The following IFT52 variants were observed in gnomAD, a reference collection of about 807,000 sequenced individuals.
The protein encoded by IFT52 is intraflagellar transport 52, also known as intraflagellar transport protein 52 homolog.
IFT52 carries 44 observed loss-of-function variants against 54.4 expected under a neutral mutation model. That is an observed-to-expected ratio of 0.81 (90% confidence interval 0.63 to 1.04). IFT52 has a LOEUF of 1.04. Among genes scored for constraint, IFT52 ranks in the 50% least tolerant of loss-of-function variants. The pLI, the probability that IFT52 is intolerant of heterozygous loss-of-function variation, is 0.00. For synonymous variants in IFT52, 181 were observed against 185.3 expected (o/e 0.98, Z 0.19); for missense variants, 452 against 523.6 (o/e 0.86, Z 1.33).
intron 10 of IFT52, among the ~76,000 whole-genome samples, chr20:43,634,640 G>T (rs372413223): frequency 2.8e-5 from 4 of 143,790 alleles, no homozygotes; most frequent in African/African-American, 7.7e-5. Flanking sequence ...TTTATGAGGT[G>T]TTTTTTTTTT....
At chr20:43,611,534 C>T (rs1983452873) in intron 6 of IFT52, among the ~76,000 whole-genome samples, 1 of 141,862 alleles carries the variant, frequency 7.0e-6, no homozygotes, top group Admixed American at 7.7e-5. Flanking sequence ...ACCTCCACCT[C>T]CTGGGTTCAA....
intron 10 of IFT52, among the ~76,000 whole-genome samples, chr20:43,626,548 A>G (rs948516078): frequency 6.6e-6 from 1 of 151,916 alleles, no homozygotes; most frequent in African/African-American, 2.4e-5. Flanking sequence ...ACCTGGACCT[A>G]TTTTCAAATC....
At chr20:43,640,193 A>G (rs1460133848) in intron 12 of IFT52, among the ~76,000 whole-genome samples, 1 of 152,162 alleles carries the variant, frequency 6.6e-6, no homozygotes, top group Non-Finnish European at 1.5e-5. Context: ...GCAGTGGCTC[A>G]TGCCTGTAAT....
At chr20:43,618,041 A>G (rs889067864) in intron 7 of IFT52, among the ~76,000 whole-genome samples, 2 of 150,740 alleles carry the variant, frequency 1.3e-5, no homozygotes, top group African/African-American at 4.9e-5. Context: ...GAGCCACTGC[A>G]CTCAGCCTGC....
chr20:43,624,201 G>A, intron 10 of IFT52, 156 bp downstream of exon 10: 1 of 809,644 alleles, frequency 1.2e-6, no homozygotes, highest in Admixed American at 2.4e-5. Flanking sequence ...ACTGGGCTGG[G>A]CATGAGGGGT....
chr20:43,594,920 A>T (rs1477058540), intron 2 of IFT52, 103 bp downstream of exon 2: 1 of 724,692 alleles, frequency 1.4e-6, no homozygotes, highest in Non-Finnish European at 2.4e-6. Context: ...TTTAGGTGGG[A>T]GAAGCTCAAT....
At chr20:43,612,201 C>T (rs146641374) in intron 6 of IFT52, among the ~76,000 whole-genome samples, 1 of 152,202 alleles carries the variant, frequency 6.6e-6, no homozygotes, top group East Asian at 1.9e-4. Context: ...ACTTTTTCTT[C>T]CTCCATGGAC....
In IFT52 at chr20:43,613,863, G is replaced by C; in HGVS notation, c.499G>C (p.Val167Leu). 1 of 1,614,024 alleles carries C rather than the reference G, an allele frequency of 6.2e-7. No homozygotes were observed. Among genetic ancestry groups the C allele is most frequent in the Non-Finnish European group, 8.5e-7 (1 of 1,179,910 alleles). ...AATTTCTTACAGGGCTCTCACCTTT[G>C]TGTATCCTTTTGGTGCCACATTGAG... ...SGNNAQALTF[V>L]YPFGATLSVM... The change falls in exon 7 of 14, where the codon GTG becomes CTG. Residue 167 changes from valine to leucine, a missense_variant. Val to Leu is a conservative substitution (Grantham distance 32). Coordinates refer to ENST00000373030, the MANE Select transcript of IFT52 (RefSeq NM_016004.5).
intron 2 of IFT52, among the ~76,000 whole-genome samples, chr20:43,595,172 G>A (rs1981839445): frequency 6.6e-6 from 1 of 152,014 alleles, no homozygotes; most frequent in Non-Finnish European, 1.5e-5. Context: ...AAAAAAATTA[G>A]CGAAGTGTGG....
At chr20:43,608,533 C>A (rs1983159478) in intron 6 of IFT52, among the ~76,000 whole-genome samples, 1 of 151,940 alleles carries the variant, frequency 6.6e-6, no homozygotes, top group Non-Finnish European at 1.5e-5. Context: ...TTTATAATAC[C>A]TCTGTACTTT....
At chr20:43,626,442 C>T (rs1257450314) in intron 10 of IFT52, among the ~76,000 whole-genome samples, 1 of 151,920 alleles carries the variant, frequency 6.6e-6, no homozygotes, top group African/African-American at 2.4e-5. Flanking sequence ...GTCGGGGTTT[C>T]ACCATGTTGG....
chr20:43,639,763 C>A (rs574233673), intron 12 of IFT52, among the ~76,000 whole-genome samples: 6 of 151,852 alleles, frequency 4.0e-5, no homozygotes, highest in African/African-American at 1.5e-4. Flanking sequence ...CACTTGGGCC[C>A]AAGAGTTGGA....
intron 7 of IFT52, 69 bp downstream of exon 7, chr20:43,614,045 A>G: frequency 7.0e-7 from 1 of 1,429,040 alleles, no homozygotes. Flanking sequence ...CCACCTTACC[A>G]TTTCCAGAAG....
intron 12 of IFT52, among the ~76,000 whole-genome samples, chr20:43,639,452 C>G (rs766482053): frequency 2.6e-5 from 4 of 152,104 alleles, no homozygotes; most frequent in Non-Finnish European, 4.4e-5. Context: ...GGGCAGATCA[C>G]CTGAGGTTGG....
rs181339510 is a variant in IFT52, at chr20:43,647,104, G to C, written c.*121G>C. The C allele has an allele frequency of 1.2e-6, 1 of 830,050 alleles. No homozygotes were observed. Among genetic ancestry groups the C allele is most frequent in the African/African-American group, 1.7e-5 (1 of 59,362 alleles). The allele number at this position is 830,050 out of a possible 1,614,324, so 51.4% of individuals were successfully genotyped here. A position where few individuals can be genotyped will look rare whatever the true frequency, so the allele number is the denominator to read the frequency against. ...ACTCTTTCCTCCATGAGCTCTGGAA[G>C]GTATATGCATCTTCTGTAATACTCA... On this transcript the variant is annotated 3_prime_UTR_variant, in exon 14 of 14. Coordinates refer to ENST00000373030, the MANE Select transcript of IFT52 (RefSeq NM_016004.5).
intron 7 of IFT52, among the ~76,000 whole-genome samples, chr20:43,615,124 C>T (rs1358500418): frequency 2.6e-5 from 4 of 151,364 alleles, no homozygotes; most frequent in Non-Finnish European, 4.4e-5. Context: ...TGCAGTGGCG[C>T]AATCTTGGCT....
chr20:43,593,145 G>C (rs1239927333), intron 1 of IFT52, among the ~76,000 whole-genome samples: 1 of 152,060 alleles, frequency 6.6e-6, no homozygotes, highest in Non-Finnish European at 1.5e-5. Flanking sequence ...AAAATTTAAA[G>C]AGAAAAATGA....
chr20:43,596,436 T>C lies in IFT52; in HGVS notation c.121T>C (p.Leu41=), dbSNP rs755929073. 3.2e-6 allele frequency: 5 copies of C among 1,577,658 alleles called. No individual in the cohort carries two copies. Among genetic ancestry groups the C allele is most frequent in the Middle Eastern group, 1.7e-4 (1 of 6,018 alleles). ...KLRSNWKIQS[L]KDEITSEKLN... ...TTGCTTTTAAAATTGTATTTCCAGC[T>C]TAAAAGATGAAATCACATCTGAGAA... is the stretch of plus-strand genomic sequence containing the variant. The change falls in exon 3 of 14, where the codon TTA becomes CTA. Residue 41 remains leucine (L), a splice_region_variant and synonymous_variant. Transcript: ENST00000373030.
At chr20:43,602,079 G>A (rs1982491465) in intron 3 of IFT52, among the ~76,000 whole-genome samples, 1 of 152,108 alleles carries the variant, frequency 6.6e-6, no homozygotes, top group African/African-American at 2.4e-5. Flanking sequence ...CATTTCTACA[G>A]AAACACAGAA....
Sources: allele counts gnomAD v4.1 joint callset (sites outside exome capture counted in the v4.1 genomes callset), GRCh38; gene constraint gnomAD v4.1.1; transcripts MANE v1.5; gene names NCBI Gene and HGNC (gene_info 2026-07-23, HGNC 2026-07-21).